RUNX1T1: variants seen among roughly 807,000 people sequenced by gnomAD.
The protein encoded by RUNX1T1 is protein CBFA2T1.
In RUNX1T1, 4 loss-of-function variants were observed where a neutral mutation model predicts 62.8. That is an observed-to-expected ratio of 0.06 (90% CI 0.03 to 0.15). The LOEUF (loss-of-function observed/expected upper bound fraction) is 0.15, where lower values mean the gene tolerates loss of function less well. Among genes scored for constraint, RUNX1T1 ranks in the 10% least tolerant of loss-of-function variants. RUNX1T1 has a pLI of 1.00. For synonymous variants in RUNX1T1, 291 were observed against 286.0 expected (o/e 1.02, Z -0.18); for missense variants, 508 against 754.3 (o/e 0.67, Z 3.82).
At chr8:92,074,487 A>G (rs1350988844) in intron 2 of RUNX1T1, among the ~76,000 whole-genome samples, 3 of 152,222 alleles carry the variant, frequency 2.0e-5, no homozygotes, top group African/African-American at 7.2e-5. Flanking sequence ...CTCCACGCAG[A>G]TACATAAGGC....
chr8:91,959,440 G>A (rs922551974), exon 11 of RUNX1T1: 2,422 of 120,504 alleles, frequency 0.02, 134 homozygotes, highest in East Asian at 0.17. Flanking sequence ...GTGTGTGTGT[G>A]TGTGTGTGTG....
At chr8:92,071,837 G>A (rs561400469) in intron 2 of RUNX1T1, among the ~76,000 whole-genome samples, 7 of 152,080 alleles carry the variant, frequency 4.6e-5, no homozygotes, top group Admixed American at 2.6e-4. Flanking sequence ...ATCAACTTCC[G>A]CAAGAACTGC....
At chr8:91,992,949 C>A (rs1817960723) in intron 5 of RUNX1T1, among the ~76,000 whole-genome samples, 1 of 152,146 alleles carries the variant, frequency 6.6e-6, no homozygotes, top group Non-Finnish European at 1.5e-5. Context: ...AGACTAGCCC[C>A]TAATATATTC....
At chr8:91,962,382 G>GAAATCTAGAAACTTGGTTGATATGTCAAA (rs1299013752) in intron 10 of RUNX1T1, among the ~76,000 whole-genome samples, 2 of 152,196 alleles carry the variant, frequency 1.3e-5, no homozygotes, top group African/African-American at 4.8e-5. Flanking sequence ...TATTGCTGAG[G>GAAATCTAGAAACTTGGTTGATATGTCAAA]AAATCTAGAA....
At chr8:91,994,806 TAA>T (rs772485746) in intron 5 of RUNX1T1, among the ~76,000 whole-genome samples, 6 of 152,214 alleles carry the variant, frequency 3.9e-5, no homozygotes, top group Non-Finnish European at 8.8e-5. Context: ...ATTTCATTTT[TAA>T]AGGAAAAAGT....
intron 1 of RUNX1T1, among the ~76,000 whole-genome samples, chr8:92,054,125 GAA>G (rs201817398): frequency 2.7e-4 from 34 of 126,196 alleles, no homozygotes; most frequent in South Asian, 5.3e-4. Flanking sequence ...TTAGTACCTG[GAA>G]AAAAAAAAAA....
downstream of RUNX1T1, chr8:91,955,799 AACTAC>A (rs1327892220): frequency 4.4e-6 from 1 of 226,412 alleles, no homozygotes; most frequent in Non-Finnish European, 8.8e-6. Context: ...GTGTTTTGAA[AACTAC>A]ACATAAAAAC....
downstream of RUNX1T1, chr8:91,955,548 A>G (rs752637375): frequency 2.7e-5 from 6 of 226,048 alleles, no homozygotes; most frequent in Non-Finnish European, 5.3e-5. Flanking sequence ...ATTTCCCAGG[A>G]AGACAAGTTA....
chr8:91,962,438 A>G lies in RUNX1T1; in HGVS notation c.1459-1921T>C, dbSNP rs567014242. On this transcript the variant is annotated intron_variant, in intron 10 of 10. Coordinates refer to ENST00000396218, the Ensembl canonical transcript of RUNX1T1. ...AATGTCATAAGTTAAAATTTGAATG[A>G]ATAGTAGTAGAACAAAACAATTTTT... 7.9e-4 allele frequency among the ~76,000 whole-genome samples: 120 copies of G among 152,370 alleles called. 3 individuals are homozygous for G. In the South Asian group the frequency reaches 0.023, roughly 29 times the overall value.
At chr8:92,097,550 G>GA (rs1291256786) in intron 1 of RUNX1T1, among the ~76,000 whole-genome samples, 3 of 152,050 alleles carry the variant, frequency 2.0e-5, no homozygotes, top group African/African-American at 7.2e-5. Context: ...TCCAGAGGAA[G>GA]AAAAATACAA....
At chr8:92,047,114 G>C (rs558786703) in intron 1 of RUNX1T1, among the ~76,000 whole-genome samples, 1 of 152,104 alleles carries the variant, frequency 6.6e-6, no homozygotes, top group Non-Finnish European at 1.5e-5. Context: ...CCCTCCATGA[G>C]CTATCTGCCC....
intron 1 of RUNX1T1, among the ~76,000 whole-genome samples, chr8:92,090,008 C>G (rs1158181576): frequency 6.8e-6 from 1 of 147,760 alleles, no homozygotes; most frequent in East Asian, 2.1e-4. Flanking sequence ...TTCAGTATCA[C>G]ACAGAGACTT....
chr8:92,072,742 A>G (rs999839369), intron 2 of RUNX1T1, among the ~76,000 whole-genome samples: 3 of 152,230 alleles, frequency 2.0e-5, no homozygotes, highest in African/African-American at 7.2e-5. Flanking sequence ...AAGCCCATTA[A>G]TGCTATCAGA....
chr8:92,023,649 G>A (rs1824561276), intron 1 of RUNX1T1, among the ~76,000 whole-genome samples: 1 of 152,168 alleles, frequency 6.6e-6, no homozygotes, highest in African/African-American at 2.4e-5. Flanking sequence ...TCATAGCCCA[G>A]GCTCTTAAAA....
chr8:92,005,280 C>A (rs927698341), exon 5 of RUNX1T1: 55 of 1,611,646 alleles, frequency 3.4e-5, no homozygotes, highest in Non-Finnish European at 4.6e-5. Context: ...GCTCACGCTG[C>A]AGCAGGGGCA....
At chr8:92,093,145 A>G (rs1399548074) in intron 1 of RUNX1T1, among the ~76,000 whole-genome samples, 1 of 152,232 alleles carries the variant, frequency 6.6e-6, no homozygotes, top group Admixed American at 6.5e-5. Context: ...ACAGAAACCT[A>G]ACATTTTCAT....
intron 8 of RUNX1T1, chr8:91,979,665 C>A (rs796672895): frequency 3.9e-5 from 12 of 304,742 alleles, no homozygotes; most frequent in Non-Finnish European, 6.4e-5. Flanking sequence ...TAATTCACAT[C>A]TATGAAGAGA....
At chr8:91,959,728 GCCATT>G (rs1230283479) in exon 11 of RUNX1T1, 1 of 228,532 alleles carries the variant, frequency 4.4e-6, no homozygotes, top group African/African-American at 2.2e-5. Flanking sequence ...ACCCACGGAC[GCCATT>G]CATCTTCTTG....
exon 11 of RUNX1T1, chr8:91,960,232 G>C: frequency 6.2e-7 from 1 of 1,605,450 alleles, no homozygotes; most frequent in South Asian, 1.1e-5. Context: ...CGACAGTTCT[G>C]AGTTCACGTC....
Sources: gnomAD v4.1 joint callset for allele counts (sites outside exome capture counted in the v4.1 genomes callset) on GRCh38, gnomAD v4.1.1 for gene constraint, MANE v1.5 for transcripts, NCBI Gene and HGNC (gene_info 2026-07-23, HGNC 2026-07-21) for gene names.